ZHX3: variants seen among roughly 807,000 people sequenced by gnomAD.
The protein encoded by ZHX3 is zinc fingers and homeoboxes protein 3.
In ZHX3, 20 loss-of-function variants were observed where a neutral mutation model predicts 64.5. That is an observed-to-expected ratio of 0.31 (90% CI 0.22 to 0.45). The LOEUF is 0.45. Among genes scored for constraint, ZHX3 ranks in the 20% least tolerant of loss-of-function variants. ZHX3 has a pLI of 1.00. For missense variants in ZHX3, 1,041 were observed against 1,195.8 expected (o/e 0.87, Z 1.91); for synonymous variants, 423 against 461.6 (o/e 0.92, Z 1.07).
Position 41,185,929 on chromosome 20 carries a change from G to A in ZHX3, c.2861-728C>T, listed in dbSNP as rs1326583036. On this transcript the variant is annotated intron_variant, in intron 3 of 3. Transcript: ENST00000683867. The surrounding 1 kb of genome is among the most constrained non-coding windows in gnomAD (Gnocchi z 5.0). Reference sequence around the variant, plus strand: ...CTTTGTGTTGGATTTAGTAGCTGAGGGGAGCCAATGCTTGTCATTCAAATC... The same window carrying A: ...CTTTGTGTTGGATTTAGTAGCTGAGAGGAGCCAATGCTTGTCATTCAAATC... Among the ~76,000 whole-genome samples the A allele has an allele frequency of 6.6e-6, 1 of 152,170 alleles. No homozygotes were observed. The highest frequency in any genetic ancestry group is 2.4e-5 in the African/African-American group (1 of 41,436).
At chr20:41,210,279 G>A (rs1488373542) in intron 2 of ZHX3, among the ~76,000 whole-genome samples, 1 of 152,222 alleles carries the variant, frequency 6.6e-6, no homozygotes, top group African/African-American at 2.4e-5. Context: ...CATTGTGGAA[G>A]ACAGTGTGGC....
intron 1 of ZHX3, among the ~76,000 whole-genome samples, chr20:41,276,282 T>A (rs1309471389): frequency 6.6e-5 from 10 of 152,062 alleles, no homozygotes; most frequent in Admixed American, 6.6e-4. Context: ...ATGTAGCTCA[T>A]GTTGGAAAAG....
intron 2 of ZHX3, among the ~76,000 whole-genome samples, chr20:41,210,682 C>T (rs953572841): frequency 1.3e-5 from 2 of 150,780 alleles, no homozygotes; most frequent in African/African-American, 4.8e-5. Context: ...GAACATCACA[C>T]ACCACGGCCT....
chr20:41,257,911 C>CTT (rs1162346945), intron 2 of ZHX3, among the ~76,000 whole-genome samples: 1 of 132,920 alleles, frequency 7.5e-6, no homozygotes. Context: ...ACGCCCAACC[C>CTT]TTTTTTTTTT....
chr20:41,312,133 T>C (rs1053400456), intron 1 of ZHX3, among the ~76,000 whole-genome samples: 5 of 152,166 alleles, frequency 3.3e-5, no homozygotes, highest in African/African-American at 1.2e-4. Flanking sequence ...AGGAGGATTG[T>C]AATATGCACC....
At chr20:41,209,657 ACTGGATCCC>A (rs764966673) in intron 2 of ZHX3, among the ~76,000 whole-genome samples, 52 of 152,226 alleles carry the variant, frequency 3.4e-4, no homozygotes, top group Non-Finnish European at 6.5e-4. Flanking sequence ...GAAAGCTGAA[ACTGGATCCC>A]TTCCTTACAC....
At chr20:41,283,855 G>C (rs2043811207) in intron 1 of ZHX3, among the ~76,000 whole-genome samples, 1 of 152,120 alleles carries the variant, frequency 6.6e-6, no homozygotes, top group African/African-American at 2.4e-5. Flanking sequence ...CCAGAACCCA[G>C]CTCCTCTTAG....
intron 1 of ZHX3, among the ~76,000 whole-genome samples, chr20:41,294,335 T>C (rs973500419): frequency 1.3e-5 from 2 of 152,214 alleles, no homozygotes; most frequent in African/African-American, 4.8e-5. Context: ...GAGTAAATGA[T>C]GTCTAAGTTC....
At chr20:41,266,841 G>A (rs1386232782) in intron 2 of ZHX3, among the ~76,000 whole-genome samples, 12 of 128,168 alleles carry the variant, frequency 9.4e-5, no homozygotes, top group Non-Finnish European at 1.5e-4. Flanking sequence ...CACCGTGCCC[G>A]GCCTTTTTTT....
Position 41,310,801 on chromosome 20 carries a change from A to ATT in ZHX3, c.-245+6706_-245+6707dup, listed in dbSNP as rs72312127. ...ATCCCAACCCAGATAGTTAATTCTG[A>ATT]TTTTTTTTTTTTTTTTTTTTTTTTT... On this transcript the variant is annotated intron_variant, in intron 1 of 3. Coordinates refer to ENST00000683867, the MANE Select transcript of ZHX3 (RefSeq NM_001384317.1). 6.6e-4 allele frequency among the ~76,000 whole-genome samples: 54 copies of ATT among 82,164 alleles called. 2 individuals are homozygous for ATT. The highest frequency in any genetic ancestry group is 1.3e-3 in the African/African-American group (23 of 18,076). 53.9% of individuals were successfully genotyped at this position (82,164 alleles called of 152,430 possible). A position where few individuals can be genotyped will look rare whatever the true frequency, so the allele number is the denominator to read the frequency against.
Position 41,308,187 on chromosome 20 carries a change from C to A in ZHX3, c.-245+9322G>T, listed in dbSNP as rs73907128. Among the ~76,000 whole-genome samples the A allele has an allele frequency of 8.1e-3, 1,229 of 152,250 alleles. 11 individuals carry two copies. The highest frequency in any genetic ancestry group is 0.028 in the African/African-American group (1,170 of 41,550). On this transcript the variant is annotated intron_variant, in intron 1 of 3. Coordinates refer to ENST00000683867, the MANE Select transcript of ZHX3 (RefSeq NM_001384317.1). Reference sequence around the variant, plus strand: ...TAAAAGGGAACAACACTCTGAATTCCTTTTTTTCTCTAAAATGGAATCACT... The same window carrying A: ...TAAAAGGGAACAACACTCTGAATTCATTTTTTTCTCTAAAATGGAATCACT...
rs2038431819 is a variant in ZHX3 at position 41,203,535 on chromosome 20, G to A, written c.1382C>T (p.Thr461Ile). ...AGCTGACGTTGTATTTGAACACACA[G>A]TGTTAATGGGTGCCACACCTGGCTG... ...PKQPGVAPIN[T>I]VCSNTTSAVK... is the part of the protein sequence containing the mutation. The change falls in exon 3 of 4, where the codon ACT becomes ATT. Residue 461 changes from threonine (T) to isoleucine (I), a missense_variant. Thr to Ile is a moderately conservative substitution (Grantham distance 89). Transcript: ENST00000683867. The surrounding 1 kb of genome is among the most constrained non-coding windows in gnomAD (Gnocchi z 7.1). 6.2e-7 allele frequency: 1 copy of A among 1,614,072 alleles called. No individual in the cohort carries two copies. The highest frequency in any genetic ancestry group is 8.5e-7 in the Non-Finnish European group (1 of 1,180,012).
chr20:41,254,462 A>G (rs1437555289), intron 2 of ZHX3: 1 of 152,210 alleles, frequency 6.6e-6, no homozygotes, highest in African/African-American at 2.4e-5. Context: ...GCTAGCTGTT[A>G]TTATGTCATT....
chr20:41,213,709 A>T (rs1403819558), intron 2 of ZHX3: 1 of 152,330 alleles, frequency 6.6e-6, no homozygotes, highest in African/African-American at 2.4e-5. Context: ...GAAAAGGTAT[A>T]TAGTGTTCCT....
chr20:41,281,562 G>A (rs1208425348), intron 1 of ZHX3, among the ~76,000 whole-genome samples: 2 of 152,198 alleles, frequency 1.3e-5, no homozygotes, highest in Non-Finnish European at 2.9e-5. Flanking sequence ...CTGGGAGTAG[G>A]AAAGAGTAGC....
At chr20:41,288,105 C>A (rs1490127307) in intron 1 of ZHX3, among the ~76,000 whole-genome samples, 2 of 152,212 alleles carry the variant, frequency 1.3e-5, no homozygotes, top group African/African-American at 4.8e-5. Context: ...CAGCTCACTG[C>A]AACCTCCACC....
In ZHX3 at chr20:41,242,747, G is replaced by A. The variant is rs567361335; in HGVS notation, c.-151+26243C>T. Reference sequence around the variant, plus strand: ...GTGGACAGACTTCTATTCTGTTCTAGACATAAGGCCATATATGGAGGAAGT... The same window carrying A: ...GTGGACAGACTTCTATTCTGTTCTAAACATAAGGCCATATATGGAGGAAGT... On this transcript the variant is annotated intron_variant, in intron 2 of 3. Transcript: ENST00000683867. 2.0e-5 allele frequency among the ~76,000 whole-genome samples: 3 copies of A among 152,186 alleles called. No homozygotes were observed. In the East Asian group the frequency reaches 5.8e-4, roughly 29 times the overall value.
intron 2 of ZHX3, among the ~76,000 whole-genome samples, chr20:41,242,516 G>A (rs558935305): frequency 6.6e-6 from 1 of 152,334 alleles, no homozygotes; most frequent in South Asian, 2.1e-4. Flanking sequence ...GTGAGGAGGA[G>A]CCACATACAC....
In ZHX3 at chr20:41,195,216, A is replaced by C. The variant is rs573459990; in HGVS notation, c.2860+6841T>G. ...TCACTATAACCTCAAACTCCTGGTA[A>C]ACAATCCTCCCACCCCAGACACCTG... is the stretch of plus-strand genomic sequence containing the variant. On this transcript the variant is annotated intron_variant, in intron 3 of 3. Coordinates refer to ENST00000683867, the MANE Select transcript of ZHX3 (RefSeq NM_001384317.1). This position sits in a 1 kb window ranked among gnomAD's most constrained non-coding sequence, Gnocchi z 4.2. 6.5e-4 allele frequency among the ~76,000 whole-genome samples: 99 copies of C among 152,078 alleles called. No homozygotes were observed. The highest frequency in any genetic ancestry group is 2.4e-3 in the Admixed American group (36 of 15,252).
Sources: gnomAD v4.1 joint callset for allele counts (sites outside exome capture counted in the v4.1 genomes callset) on GRCh38, gnomAD v4.1.1 for gene constraint, Gnocchi (gnomAD v3.1) non-coding constraint, MANE v1.5 for transcripts, NCBI Gene and HGNC (gene_info 2026-07-23, HGNC 2026-07-21) for gene names.